Variants in BRD1 observed in about 807,000 individuals in gnomAD.
BRD1 encodes bromodomain containing 1.
Under a neutral mutation model 107.7 loss-of-function variants are expected in BRD1, and 24 were observed. The ratio of observed to expected loss-of-function variants is 0.22; its 90% CI spans 0.16 to 0.31. The LOEUF is 0.31. BRD1 is among the 10% of genes least tolerant of loss of function. The pLI, the probability that BRD1 is intolerant of heterozygous loss-of-function variation, is 1.00. For missense variants in BRD1, 1,279 were observed against 1,638.6 expected, an observed-to-expected ratio of 0.78 and a Z score of 3.79; for synonymous variants, 744 against 686.1, an observed-to-expected ratio of 1.08 and a Z score of -1.32.
At chr22:49,790,862 G>A (rs75788787) in intron 7 of BRD1, among the ~76,000 whole-genome samples, 4,367 of 152,322 alleles carry the variant, frequency 0.029, 222 homozygotes, top group African/African-American at 0.099. Flanking sequence ...GCCCGTGCAC[G>A]GCAGGGGGAC....
At chr22:49,822,052 GC>G (rs796753388) in intron 2 of BRD1, among the ~76,000 whole-genome samples, 5 of 152,380 alleles carry the variant, frequency 3.3e-5, no homozygotes, top group African/African-American at 9.6e-5. Context: ...CCAGGCCAGA[GC>G]CCCTCGGGTT....
chr22:49,788,160 A>C (rs1335802914), intron 7 of BRD1, among the ~76,000 whole-genome samples: 1 of 152,182 alleles, frequency 6.6e-6, no homozygotes, highest in Non-Finnish European at 1.5e-5. Flanking sequence ...ATGCGCCAAT[A>C]TTAAACACGT....
At position 49,798,380 on chromosome 22, in the gene BRD1, T is replaced by C. The variant is rs570925771; in HGVS notation, c.1785+178A>G. On this transcript the variant is annotated intron_variant, in intron 5 of 12. Transcript: ENST00000404760. Reference sequence around the variant, plus strand: ...ACAGGGCCTCTTGCCCACTGCACTTTCAGTATTTTACAATGAAATGTATCA... The same window carrying C: ...ACAGGGCCTCTTGCCCACTGCACTTCCAGTATTTTACAATGAAATGTATCA... Among the ~76,000 whole-genome samples, 128 of 152,304 alleles carry C rather than the reference T, an allele frequency of 8.4e-4. 1 individual carries two copies. The highest frequency in any genetic ancestry group is 2.9e-3 in the African/African-American group (120 of 41,570).
chr22:49,802,931 G>A (rs2059668799), intron 3 of BRD1, among the ~76,000 whole-genome samples: 1 of 152,258 alleles, frequency 6.6e-6, no homozygotes, highest in Non-Finnish European at 1.5e-5. Context: ...GACACGTGAG[G>A]ATCTCACTTG....
At chr22:49,804,614 C>T (rs927604283) in intron 2 of BRD1, among the ~76,000 whole-genome samples, 2 of 152,114 alleles carry the variant, frequency 1.3e-5, no homozygotes, top group African/African-American at 4.8e-5. Context: ...TTTGGGAGGC[C>T]GAGGTGGGGG....
At position 49,824,214 on chromosome 22, in the gene BRD1, T is replaced by C. The variant is rs757241756; in HGVS notation, c.104A>G (p.Gln35Arg). Residue 35 changes from glutamine to arginine, a missense_variant, in exon 2 of 13, where the codon CAA (glutamine) becomes CGA (arginine). Gln to Arg is a conservative substitution (Grantham distance 43). Around this residue, in one of 7 missense-constraint regions of BRD1, gnomAD observed 223 missense variants for 263.5 expected, o/e 0.85. Coordinates refer to ENST00000404760, the MANE Select transcript of BRD1 (RefSeq NM_001304808.3). This position sits in a 1 kb window ranked among gnomAD's most constrained non-coding sequence, Gnocchi z 5.9. ...TTCTATCTCTACCATCCTTTGAGCT[T>C]GAGCGTAGGTCAGCGTTTCTCGCGT... is the stretch of plus-strand genomic sequence containing the variant. ...SPTRETLTYA[Q>R]AQRMVEIEIE... 6.2e-7 allele frequency: 1 copy of C among 1,614,018 alleles called. No individual in the cohort carries two copies. Among genetic ancestry groups the C allele is most frequent in the South Asian group, 1.1e-5 (1 of 91,090 alleles).
intron 2 of BRD1, among the ~76,000 whole-genome samples, chr22:49,820,047 T>C (rs1193572046): frequency 6.6e-6 from 1 of 151,726 alleles, no homozygotes; most frequent in Non-Finnish European, 1.5e-5. Context: ...GGAGAATCAC[T>C]TGAACCCAGG....
At chr22:49,786,333 G>A (rs1285005322) in intron 8 of BRD1, among the ~76,000 whole-genome samples, 2 of 152,170 alleles carry the variant, frequency 1.3e-5, no homozygotes, top group African/African-American at 4.8e-5. Context: ...CTCTTTAAAG[G>A]ACAAACTCCT....
chr22:49,811,629 T>C (rs2059851587), intron 2 of BRD1, among the ~76,000 whole-genome samples: 1 of 152,242 alleles, frequency 6.6e-6, no homozygotes, highest in African/African-American at 2.4e-5. Context: ...CTCAGAATGG[T>C]GCACAACTGA....
At chr22:49,813,214 G>C (rs2059885643) in intron 2 of BRD1, among the ~76,000 whole-genome samples, 1 of 152,138 alleles carries the variant, frequency 6.6e-6, no homozygotes, top group Non-Finnish European at 1.5e-5. Context: ...AACACAGTGA[G>C]ACGCCATCTC....
At position 49,787,796 on chromosome 22, in the gene BRD1, T is replaced by A; in HGVS notation, c.2451A>T (p.Pro817=). The change falls in exon 8 of 13, where the codon CCA becomes CCT. Residue 817 remains proline, a synonymous_variant. Transcript: ENST00000404760. ...TACTCTGCTCTGGGTTGAGTTCTAC[T>A]GGTTTGAGGGTTGGTGGTTCTGAAT... is the stretch of plus-strand genomic sequence containing the variant. ...ETNSEPPTLK[P]VELNPEQSKL... 3 of 1,550,912 alleles carry A rather than the reference T, an allele frequency of 1.9e-6. No individual in the cohort carries two copies. The South Asian group carries it at 3.6e-5, about 18-fold the overall frequency.
chr22:49,806,722 G>C (rs1284032458), intron 2 of BRD1: 2 of 152,266 alleles, frequency 1.3e-5, no homozygotes, highest in Non-Finnish European at 2.9e-5. Context: ...TAGGAGCCGG[G>C]CGCGGTAGCT....
chr22:49,820,213 G>A (rs759332367), intron 2 of BRD1, among the ~76,000 whole-genome samples: 5 of 152,216 alleles, frequency 3.3e-5, no homozygotes, highest in South Asian at 2.1e-4. Context: ...AAAGCAGTCC[G>A]TCCCTGAAGG....
chr22:49,804,356 T>C lies in BRD1; in HGVS notation c.1372A>G (p.Asn458Asp). 1 of 1,604,180 alleles carries C rather than the reference T, an allele frequency of 6.2e-7. No homozygotes were observed. The highest frequency in any genetic ancestry group is 8.5e-7 in the Non-Finnish European group (1 of 1,174,012). The change falls in exon 3 of 13, where the codon AAT (asparagine) becomes GAT (aspartate). Residue 458 changes from asparagine to aspartate, a missense_variant. Around this residue, in one of 7 missense-constraint regions of BRD1, gnomAD observed 87 missense variants for 77.1 expected, o/e 1.13. Coordinates refer to ENST00000404760, the MANE Select transcript of BRD1 (RefSeq NM_001304808.3). ...ATGGCCACCTGATTCGCAATCCTAT[T>C]TAACCTAAAACACAAACACTCAGTG... Reference protein sequence around the residue: ...CAPYIPPQRLNRIANQVAIQR... With the variant: ...CAPYIPPQRLDRIANQVAIQR...
At chr22:49,826,219 C>T (rs1288203228) in intron 1 of BRD1, 1 of 985,334 alleles carries the variant, frequency 1.0e-6, no homozygotes, top group African/African-American at 1.7e-5. Flanking sequence ...CGACAAGCAG[C>T]CCCTGGAAAC....
chr22:49,787,584 G>C lies in BRD1; in HGVS notation c.2663C>G (p.Ser888Trp). Residue 888 changes from serine to tryptophan, a missense_variant, in exon 8 of 13, where the codon TCG becomes TGG. This residue lies in a region of BRD1 where 263 missense variants were observed against 251.6 expected (regional missense o/e 1.05). Transcript: ENST00000404760. Reference sequence around the variant, plus strand: ...AGACTTTGGGGGGCTTACACTTTTCGATTTGCAGAAGAGAACAGAAGTGCG... The same window carrying C: ...AGACTTTGGGGGGCTTACACTTTTCCATTTGCAGAAGAGAACAGAAGTGCG... ...NRRTSVLFCKSKSVSPPKSAK... is the reference protein window; with the variant it reads ...NRRTSVLFCKWKSVSPPKSAK... 1 of 1,564,916 alleles carries C rather than the reference G, an allele frequency of 6.4e-7. No homozygotes were observed.
At chr22:49,808,076 C>T (rs944644159) in intron 2 of BRD1, among the ~76,000 whole-genome samples, 7 of 152,198 alleles carry the variant, frequency 4.6e-5, no homozygotes, top group South Asian at 2.1e-4. Context: ...CCTTGCGCAC[C>T]GCCGGCAAGA....
intron 3 of BRD1, 152 bp downstream of exon 3, chr22:49,804,052 C>T (rs1401367572): frequency 3.3e-6 from 2 of 598,162 alleles, no homozygotes; most frequent in Non-Finnish European, 5.4e-6. Context: ...CCCGACTCCT[C>T]CTACAGCTCC....
chr22:49,775,357 G>A, intron 12 of BRD1: 1 of 350,664 alleles, frequency 2.9e-6, no homozygotes, highest in East Asian at 4.3e-5. Flanking sequence ...AGAGGGAGAG[G>A]AAGCCATCGG....
Sources: allele counts gnomAD v4.1 joint callset (sites outside exome capture counted in the v4.1 genomes callset), GRCh38; gene constraint gnomAD v4.1.1; regional missense constraint gnomAD v4.1.1; non-coding constraint Gnocchi (gnomAD v3.1); transcripts MANE v1.5; gene names NCBI Gene and HGNC (gene_info 2026-07-23, HGNC 2026-07-21).